ARSH: variants seen among roughly 807,000 people sequenced by gnomAD.
The protein encoded by ARSH is arylsulfatase H.
Under a neutral mutation model 28.7 loss-of-function variants are expected in ARSH, and 32 were observed. That is an observed-to-expected ratio of 1.11 (90% CI 0.84 to 1.50). ARSH has a LOEUF of 1.50. Among genes scored for constraint, ARSH ranks in the 40% most tolerant of loss-of-function variants. The pLI is 0.00. For missense variants in ARSH, 440 were observed against 452.4 expected (o/e 0.97, Z 0.25); for synonymous variants, 176 against 177.3 (o/e 0.99, Z 0.06).
At chrX:3,019,244 GAC>G (rs766083360) in intron 5 of ARSH, among the ~76,000 whole-genome samples, 14 of 89,765 alleles carry the variant, frequency 1.6e-4, no homozygotes, top group Non-Finnish European at 2.4e-4. Context: ...CAGCCTGAGT[GAC>G]ACAGCGAGAT....
At chrX:3,007,907 C>T (rs1053704435) in intron 1 of ARSH, among the ~76,000 whole-genome samples, 1 of 111,413 alleles carries the variant, frequency 9.0e-6, no homozygotes, top group African/African-American at 3.3e-5. Context: ...GTCCTCATTT[C>T]CTCTTCTTAT....
intron 8 of ARSH, 72 bp downstream of exon 8, chrX:3,029,440 G>T (rs754660070): frequency 1.0e-5 from 12 of 1,144,827 alleles, no homozygotes; most frequent in Non-Finnish European, 1.4e-5. Flanking sequence ...TCTCCTGGCG[G>T]AAGCTGCACC....
chrX:3,031,904 A>G (rs1248580907), intron 8 of ARSH, among the ~76,000 whole-genome samples: 1 of 111,181 alleles, frequency 9.0e-6, no homozygotes, highest in Non-Finnish European at 1.9e-5. Flanking sequence ...ATTCTTGTGC[A>G]TCTCACCTCA....
chrX:3,023,759 G>T (rs1296276699), intron 5 of ARSH, among the ~76,000 whole-genome samples: 1 of 103,671 alleles, frequency 9.6e-6, no homozygotes, highest in Non-Finnish European at 2.0e-5. Context: ...ATGTATTATA[G>T]TAAATATAGC....
Position 3,027,495 on chromosome X carries a change from T to C in ARSH, c.1199+20T>C. On this transcript the variant is annotated intron_variant, in intron 7 of 8. Transcript: ENST00000381130. ...GGACAGGTATGGAAACAGTGTTTGC[T>C]CCTAACCTAGGGTGATATATTTGAA... The C allele has an allele frequency of 8.3e-7, 1 of 1,199,100 alleles. No individual in the cohort carries two copies. Among genetic ancestry groups the C allele is most frequent in the Non-Finnish European group, 1.1e-6 (1 of 886,435 alleles).
chrX:3,026,621 C>T (rs939411097), intron 6 of ARSH, among the ~76,000 whole-genome samples: 1 of 111,763 alleles, frequency 8.9e-6, no homozygotes, highest in African/African-American at 3.3e-5. Flanking sequence ...ACAACCGCCT[C>T]AGTCTCATGA....
At chrX:3,011,013 A>C (rs1377400345) in intron 2 of ARSH, among the ~76,000 whole-genome samples, 2 of 111,415 alleles carry the variant, frequency 1.8e-5, no homozygotes, top group Non-Finnish European at 3.8e-5. Context: ...AGTAAACATT[A>C]AAAGTTTTTG....
In ARSH at chrX:3,015,356, TC is replaced by T. The variant is rs748334321; in HGVS notation, c.730del (p.Leu244SerfsTer3). The T allele has an allele frequency of 8.3e-7, 1 of 1,211,599 alleles. No individual in the cohort carries two copies. Among genetic ancestry groups the T allele is most frequent in the East Asian group, 3.0e-5 (1 of 33,851 alleles). Reference protein sequence around the residue: ...QQPMKEEKVASLMLKEALAFI... With the variant: ...QQPMKEEKVAXLMLKEALAFI... ...GCCAATGAAAGAGGAGAAAGTAGCTTCCCTCATGCTGAAGGAGGCACTTGCT... is the reference window on the plus strand; with the variant it reads ...GCCAATGAAAGAGGAGAAAGTAGCTTCCTCATGCTGAAGGAGGCACTTGCT... On this transcript the variant is annotated frameshift_variant, in exon 4 of 9. Coordinates refer to ENST00000381130, the MANE Select transcript of ARSH (RefSeq NM_001011719.2). LOFTEE classifies it high-confidence loss of function.
At chrX:3,024,285 A>AC in intron 6 of ARSH, 130 bp downstream of exon 6, 1 of 666,327 alleles carries the variant, frequency 1.5e-6, no homozygotes, top group East Asian at 4.6e-5. Flanking sequence ...ATTAAGCTAG[A>AC]CCGAAAAAAA....
intron 5 of ARSH, 90 bp from the exon 6 acceptor site, chrX:3,023,931 G>A: frequency 3.9e-6 from 4 of 1,027,953 alleles, no homozygotes; most frequent in Non-Finnish European, 5.4e-6. Context: ...GAAACGCTAT[G>A]TGTAATAAAT....
rs146392485 is a variant in ARSH, at chrX:3,030,811, C to T, written c.1321+1443C>T. Among the ~76,000 whole-genome samples, 751 of 110,835 alleles carry T rather than the reference C, an allele frequency of 6.8e-3. 12 individuals are homozygous for T. The highest frequency in any genetic ancestry group is 0.024 in the African/African-American group (723 of 30,477). On this transcript the variant is annotated intron_variant, in intron 8 of 8. Transcript: ENST00000381130. ...TCGCTATTTTTAGGAATCAGCTAGT[C>T]CTGGGAGGAGCAGTCTTTCCCCAAG...
chrX:3,020,416 C>A (rs1395841657), intron 5 of ARSH, among the ~76,000 whole-genome samples: 1 of 106,179 alleles, frequency 9.4e-6, no homozygotes, highest in Non-Finnish European at 1.9e-5. Flanking sequence ...GGTGAAACCC[C>A]GTCTCTACTA....
intron 8 of ARSH, among the ~76,000 whole-genome samples, chrX:3,030,723 C>T (rs1347558914): frequency 1.8e-5 from 2 of 111,673 alleles, no homozygotes; most frequent in East Asian, 5.6e-4. Flanking sequence ...TGGCTCTGCC[C>T]TTGACATATG....
rs1282185751 is a variant in ARSH, at chrX:3,033,714, T to A, written c.*329T>A. On this transcript the variant is annotated 3_prime_UTR_variant, in exon 9 of 9. Transcript: ENST00000381130. ...CATGGAAGCATCAGGTCCAATGTCA[T>A]AAGTTAGAAACTTCTGCTTGCAGAT... 2.7e-4 allele frequency: 38 copies of A among 141,344 alleles called. No individual in the cohort carries two copies. The Admixed American group carries it at 2.8e-3, about 10-fold the overall frequency. 11.6% of individuals were successfully genotyped at this position (141,344 alleles called of 1,213,427 possible). A position where few individuals can be genotyped will look rare whatever the true frequency, so the allele number is the denominator to read the frequency against.
intron 6 of ARSH, among the ~76,000 whole-genome samples, chrX:3,025,991 G>A: frequency 9.0e-6 from 1 of 110,943 alleles, no homozygotes; most frequent in Non-Finnish European, 1.9e-5. Context: ...TGAATTCAAT[G>A]GATAGAGAGA....
intron 1 of ARSH, 28 bp downstream of exon 1, chrX:3,006,732 G>A (rs778408457): frequency 1.8e-6 from 2 of 1,101,650 alleles, no homozygotes; most frequent in Non-Finnish European, 2.5e-6. Context: ...CCCCCTCCCT[G>A]TATGTGGGAG....
intron 5 of ARSH, among the ~76,000 whole-genome samples, chrX:3,022,478 C>T (rs1406758435): frequency 1.8e-5 from 2 of 111,813 alleles, no homozygotes; most frequent in African/African-American, 6.5e-5. Flanking sequence ...AAGCTAGTTA[C>T]ATTTTCTTTT....
chrX:3,027,134 A>G (rs1698783709), intron 6 of ARSH, among the ~76,000 whole-genome samples, 179 bp from the exon 7 acceptor site: 1 of 111,249 alleles, frequency 9.0e-6, no homozygotes, highest in African/African-American at 3.3e-5. Context: ...ATGGTTTTGT[A>G]TTTTTAGCAG....
intron 7 of ARSH, among the ~76,000 whole-genome samples, chrX:3,028,760 A>G (rs779569330): frequency 9.0e-6 from 1 of 111,329 alleles, no homozygotes; most frequent in South Asian, 3.8e-4. Flanking sequence ...TTGTTATAAA[A>G]TGAGGGAAAA....
Sources: gnomAD v4.1 joint callset for allele counts (sites outside exome capture counted in the v4.1 genomes callset) on GRCh38, gnomAD v4.1.1 for gene constraint, MANE v1.5 for transcripts, NCBI Gene and HGNC (gene_info 2026-07-23, HGNC 2026-07-21) for gene names.